VEPH1: variants seen among roughly 807,000 people sequenced by gnomAD.
VEPH1 encodes the protein ventricular zone expressed PH domain containing 1.
VEPH1 carries 80 observed loss-of-function variants against 85.2 expected under a neutral mutation model. That is an observed-to-expected ratio of 0.94 (90% CI 0.78 to 1.13). The LOEUF is 1.13. VEPH1 is among the 50% of genes most tolerant of loss of function. The pLI, the probability that VEPH1 is intolerant of heterozygous loss-of-function variation, is 0.00. For missense variants in VEPH1, 955 were observed against 980.5 expected, an observed-to-expected ratio of 0.97 and a Z score of 0.35; for synonymous variants, 297 against 348.0, an observed-to-expected ratio of 0.85 and a Z score of 1.63.
At chr3:157,437,078 A>T (rs200624282) in intron 4 of VEPH1, 64 of 1,612,806 alleles carry the variant, frequency 4.0e-5, no homozygotes, top group Non-Finnish European at 1.7e-6. Context: ...GTTCACTTTA[A>T]CTGTTTCTCT....
In VEPH1 at chr3:157,272,383, C is replaced by CT. The variant is rs1553754698; in HGVS notation, c.2129-6722dup. On this transcript the variant is annotated intron_variant, in intron 12 of 13. Transcript: ENST00000362010. ...TTCTTTCTTTCTCTTTCTTTTCTTT[C>CT]TTTCTTTCTTTCTTTCTTTCTTTCT... 4.3e-4 allele frequency among the ~76,000 whole-genome samples: 42 copies of CT among 98,242 alleles called. 1 individual carries two copies. The highest frequency in any genetic ancestry group is 1.7e-3 in the African/African-American group (39 of 22,590). 64.5% of individuals were successfully genotyped at this position (98,242 alleles called of 152,430 possible).
rs75457041 is a variant in VEPH1 at position 157,495,990 on chromosome 3, C to A, written c.-157-484G>T. 4.9e-3 allele frequency among the ~76,000 whole-genome samples: 751 copies of A among 152,306 alleles called. 19 individuals are homozygous for A. The East Asian group carries it at 0.071, about 14-fold the overall frequency. ...ACCTCTTGGTTGGGCTGCCTTGCTACGCTAGCAGTAGAAGTTCCCTGCTCT... is the reference window on the plus strand; with the variant it reads ...ACCTCTTGGTTGGGCTGCCTTGCTAAGCTAGCAGTAGAAGTTCCCTGCTCT... On this transcript the variant is annotated intron_variant, in intron 1 of 13. Transcript: ENST00000362010.
At position 157,261,216 on chromosome 3, in the gene VEPH1, G is replaced by T. The variant is rs749132118; in HGVS notation, c.2420C>A (p.Ala807Glu). Residue 807 changes from alanine to glutamate, a missense_variant, in exon 14 of 14, where the codon GCA (alanine) becomes GAA (glutamate). By Grantham distance (107) the Ala-to-Glu change is moderately radical. Coordinates refer to ENST00000362010, the MANE Select transcript of VEPH1 (RefSeq NM_001167912.2). Reference sequence around the variant, plus strand: ...GTTGATGCACTGGAGCCATTCTTCTGCATTCTTCTCATCCTTGGCCTTAAA... The same window carrying T: ...GTTGATGCACTGGAGCCATTCTTCTTCATTCTTCTCATCCTTGGCCTTAAA... ...YVFKAKDEKNAEEWLQCINVA... is the reference protein window; with the variant it reads ...YVFKAKDEKNEEEWLQCINVA... The T allele has an allele frequency of 1.2e-6, 2 of 1,613,770 alleles. No homozygotes were observed. Among genetic ancestry groups the T allele is most frequent in the Non-Finnish European group, 1.7e-6 (2 of 1,179,780 alleles).
intron 11 of VEPH1, among the ~76,000 whole-genome samples, chr3:157,301,168 C>G (rs147679129): frequency 1.3e-5 from 2 of 152,106 alleles, no homozygotes; most frequent in African/African-American, 4.8e-5. Flanking sequence ...TAAACATAGC[C>G]GTGGTCAGTT....
At chr3:157,276,704 TA>T (rs1715448079) in intron 12 of VEPH1, among the ~76,000 whole-genome samples, 1 of 152,188 alleles carries the variant, frequency 6.6e-6, no homozygotes, top group Non-Finnish European at 1.5e-5. Flanking sequence ...GAATTTTGCT[TA>T]TTTTTTTATT....
intron 6 of VEPH1, among the ~76,000 whole-genome samples, chr3:157,408,874 A>T (rs1458708701): frequency 1.3e-5 from 2 of 152,134 alleles, no homozygotes; most frequent in Admixed American, 6.6e-5. Context: ...GGAATGAAGT[A>T]GACTGGACAG....
chr3:157,434,695 G>T (rs895224412), intron 4 of VEPH1, among the ~76,000 whole-genome samples: 22 of 151,972 alleles, frequency 1.4e-4, no homozygotes, highest in African/African-American at 5.3e-4. Context: ...GGTATATTTT[G>T]ATTTAATTTT....
At chr3:157,288,828 C>T (rs1348192908) in intron 11 of VEPH1, among the ~76,000 whole-genome samples, 2 of 152,164 alleles carry the variant, frequency 1.3e-5, no homozygotes, top group South Asian at 2.1e-4. Context: ...TATTAAGACT[C>T]TTATGGCTTG....
chr3:157,290,651 A>G (rs1208815464), intron 11 of VEPH1, among the ~76,000 whole-genome samples: 1 of 152,188 alleles, frequency 6.6e-6, no homozygotes, highest in Admixed American at 6.5e-5. Context: ...TTGAAGTTCA[A>G]ACTATTTTCA....
At chr3:157,421,884 C>T (rs780888875) in intron 5 of VEPH1, among the ~76,000 whole-genome samples, 2 of 152,158 alleles carry the variant, frequency 1.3e-5, no homozygotes, top group Non-Finnish European at 2.9e-5. Context: ...CCACATCACT[C>T]TAGGTGCTCC....
chr3:157,334,739 G>T lies in VEPH1; in HGVS notation c.1736-17538C>A, dbSNP rs530636504. On this transcript the variant is annotated intron_variant, in intron 9 of 13. Transcript: ENST00000362010. Reference sequence around the variant, plus strand: ...ATGAGAAGTACTGGGAATCACGGGGGTGTAGAAAGTAAGAAATAGGCTAGC... The same window carrying T: ...ATGAGAAGTACTGGGAATCACGGGGTTGTAGAAAGTAAGAAATAGGCTAGC... 5.3e-5 allele frequency among the ~76,000 whole-genome samples: 8 copies of T among 152,314 alleles called. No individual in the cohort carries two copies. The East Asian group carries it at 1.5e-3, about 29-fold the overall frequency.
At chr3:157,358,419 T>C (rs12494465) in intron 9 of VEPH1, among the ~76,000 whole-genome samples, 34,427 of 152,164 alleles carry the variant, frequency 0.23, 4,758 homozygotes, top group Admixed American at 0.42. Context: ...TCAAATTGTG[T>C]GAAAAAGATT....
At chr3:157,432,103 C>T (rs186059207) in intron 4 of VEPH1, among the ~76,000 whole-genome samples, 92 of 152,180 alleles carry the variant, frequency 6.0e-4, no homozygotes, top group Admixed American at 1.4e-3. Flanking sequence ...CCGCCTCAGC[C>T]TCTCAAAGTG....
chr3:157,483,422 C>A (rs115549908), intron 2 of VEPH1, among the ~76,000 whole-genome samples: 1 of 151,906 alleles, frequency 6.6e-6, no homozygotes, highest in East Asian at 1.9e-4. Flanking sequence ...CACATGTAAG[C>A]AGATTAAACA....
At chr3:157,430,334 A>G (rs1733044639) in intron 4 of VEPH1, among the ~76,000 whole-genome samples, 1 of 152,204 alleles carries the variant, frequency 6.6e-6, no homozygotes, top group East Asian at 1.9e-4. Flanking sequence ...TACTCTACAC[A>G]TCCCTTCGCA....
At chr3:157,436,741 C>T (rs1733606697) in intron 4 of VEPH1, 1 of 471,874 alleles carries the variant, frequency 2.1e-6, no homozygotes, top group South Asian at 2.6e-5. Flanking sequence ...GCCCCCTCCC[C>T]CACCAAATTC....
intron 4 of VEPH1, among the ~76,000 whole-genome samples, chr3:157,456,618 T>A (rs1735405298): frequency 6.6e-6 from 1 of 152,222 alleles, no homozygotes; most frequent in Admixed American, 6.5e-5. Flanking sequence ...GCACCTTTTA[T>A]TGAATAGGTA....
At chr3:157,492,125 A>G (rs910149549) in intron 2 of VEPH1, among the ~76,000 whole-genome samples, 4 of 152,138 alleles carry the variant, frequency 2.6e-5, no homozygotes, top group African/African-American at 9.7e-5. Flanking sequence ...GGCCTAAACC[A>G]AGACATTATC....
intron 3 of VEPH1, among the ~76,000 whole-genome samples, chr3:157,465,476 C>T (rs1736277648): frequency 6.6e-6 from 1 of 152,218 alleles, no homozygotes; most frequent in Non-Finnish European, 1.5e-5. Flanking sequence ...GAGGCAGCTC[C>T]TCTTAATATC....
Sources: gnomAD v4.1 joint callset for allele counts (sites outside exome capture counted in the v4.1 genomes callset) on GRCh38, gnomAD v4.1.1 for gene constraint, MANE v1.5 for transcripts, NCBI Gene and HGNC (gene_info 2026-07-23, HGNC 2026-07-21) for gene names.